The following FMO4 variants were observed in gnomAD, a reference collection of about 807,000 sequenced individuals.
FMO4 encodes the protein dimethylaniline monooxygenase [N-oxide-forming] 4.
In FMO4, 38 loss-of-function variants were observed where a neutral mutation model predicts 43.3. The ratio of observed to expected loss-of-function variants is 0.88; its 90% CI spans 0.68 to 1.15. The LOEUF (loss-of-function observed/expected upper bound fraction) is 1.15, where lower values mean the gene tolerates loss of function less well. Among genes scored for constraint, FMO4 ranks in the 50% most tolerant of loss-of-function variants. FMO4 has a pLI of 0.00. For missense variants in FMO4, 631 were observed against 663.3 expected, an observed-to-expected ratio of 0.95 and a Z score of 0.54; for synonymous variants, 224 against 232.2, an observed-to-expected ratio of 0.96 and a Z score of 0.32.
Position 171,341,928 on chromosome 1 carries a change from C to A in FMO4, c.*89C>A. 1 of 1,021,900 alleles carries A rather than the reference C, an allele frequency of 9.8e-7. No individual in the cohort carries two copies. The highest frequency in any genetic ancestry group is 1.4e-6 in the Non-Finnish European group (1 of 703,280). 63.3% of individuals were successfully genotyped at this position (1,021,900 alleles called of 1,614,324 possible). Reference sequence around the variant, plus strand: ...CCTCCTCTGCTCTCCATCATAACTGCTATTAGCCAAATTCAGGCCCAGTCA... The same window carrying A: ...CCTCCTCTGCTCTCCATCATAACTGATATTAGCCAAATTCAGGCCCAGTCA... On this transcript the variant is annotated 3_prime_UTR_variant, in exon 10 of 10. Transcript: ENST00000367749.
chr1:171,337,985 G>A (rs747330774), intron 9 of FMO4, among the ~76,000 whole-genome samples: 19 of 151,954 alleles, frequency 1.3e-4, no homozygotes, highest in East Asian at 5.8e-4. Context: ...TTTAATAGGC[G>A]TCTCAAATTT....
chr1:171,323,909 T>G (rs1271078493), intron 4 of FMO4, among the ~76,000 whole-genome samples: 2 of 152,248 alleles, frequency 1.3e-5, no homozygotes, highest in Non-Finnish European at 2.9e-5. Context: ...ACGTGATTGT[T>G]TCTTCCTTCC....
chr1:171,322,845 T>G (rs557877729), intron 3 of FMO4, among the ~76,000 whole-genome samples, 159 bp from the exon 4 acceptor site: 43 of 150,334 alleles, frequency 2.9e-4, no homozygotes, highest in African/African-American at 9.8e-4. Context: ...AGAGTGAGAC[T>G]CCATCTAAAT....
intron 3 of FMO4, 89 bp from the exon 4 acceptor site, chr1:171,322,915 C>A: frequency 1.1e-6 from 1 of 899,612 alleles, no homozygotes; most frequent in Non-Finnish European, 1.8e-6. Flanking sequence ...ATAACCCGCC[C>A]TCAGTGAGGC....
At chr1:171,315,432 C>CT (rs547157080) in intron 1 of FMO4, among the ~76,000 whole-genome samples, 7,270 of 147,932 alleles carry the variant, frequency 0.049, 515 homozygotes, top group African/African-American at 0.16. Flanking sequence ...GAATTCATAT[C>CT]TTTTTTTTTT....
chr1:171,316,636 A>G (rs928916840), intron 2 of FMO4, among the ~76,000 whole-genome samples: 1 of 152,160 alleles, frequency 6.6e-6, no homozygotes, highest in Admixed American at 6.5e-5. Context: ...TGCCTCCAAA[A>G]TCCATTTTCA....
At chr1:171,337,754 G>A (rs968468978) in intron 9 of FMO4, among the ~76,000 whole-genome samples, 2 of 152,084 alleles carry the variant, frequency 1.3e-5, no homozygotes, top group African/African-American at 4.8e-5. Flanking sequence ...GTATTTGCTG[G>A]TATCGCCTCT....
chr1:171,319,901 C>CTGGA lies in FMO4; in HGVS notation c.77_80dup (p.Glu27AspfsTer7), dbSNP rs572323132. On this transcript the variant is annotated frameshift_variant, in exon 3 of 10. Coordinates refer to ENST00000367749, the MANE Select transcript of FMO4 (RefSeq NM_002022.3). LOFTEE classifies it high-confidence loss of function. ...CATCAAATGCTGTGTGGATGAGGAC[C>CTGGA]TGGAGCCCACCTGCTTTGAGAGAAG... 1.5e-4 allele frequency: 248 copies of CTGGA among 1,613,834 alleles called. 1 individual carries two copies. In the East Asian group the frequency reaches 5.4e-3, roughly 35 times the overall value.
Position 171,334,603 on chromosome 1 carries a change from T to C in FMO4, c.1020T>C (p.Pro340=), listed in dbSNP as rs760967741. 6.2e-7 allele frequency: 1 copy of C among 1,613,432 alleles called. No homozygotes were observed. The highest frequency in any genetic ancestry group is 1.1e-5 in the South Asian group (1 of 91,068). The part of the protein sequence containing the change: ...YTFSFPFFEE[P]LKSLCTKKIF... ...TTTCTTTTCCATTTTTTGAAGAACC[T>C]CTTAAAAGCCTCTGTACAAAGAAGA... Residue 340 remains proline, a synonymous_variant, in exon 8 of 10, where the codon CCT becomes CCC. Coordinates refer to ENST00000367749, the MANE Select transcript of FMO4 (RefSeq NM_002022.3).
intron 7 of FMO4, among the ~76,000 whole-genome samples, chr1:171,333,823 T>C (rs1015054620): frequency 3.3e-5 from 5 of 152,040 alleles, no homozygotes; most frequent in African/African-American, 1.2e-4. Context: ...AAAATATGTA[T>C]CAGTATAAAT....
chr1:171,325,250 T>C (rs1170651259), intron 5 of FMO4, among the ~76,000 whole-genome samples: 2 of 152,174 alleles, frequency 1.3e-5, no homozygotes, highest in Non-Finnish European at 2.9e-5. Flanking sequence ...GACTGACAAA[T>C]TGCCATCATT....
chr1:171,340,916 T>C (rs1571417586), intron 9 of FMO4, among the ~76,000 whole-genome samples: 2 of 152,218 alleles, frequency 1.3e-5, no homozygotes, highest in South Asian at 4.1e-4. Flanking sequence ...ATTAAGATTT[T>C]AGGGCTTTTA....
In FMO4 at chr1:171,324,154, T is replaced by C. The variant is rs919125756; in HGVS notation, c.338T>C (p.Ile113Thr). ...CACTTTTAGACCACTGTGTGCAGCA[T>C]AACGAAGCGTCCAGACTTCTCCGAA... ...YIQFKTTVCS[I>T]TKRPDFSETG... Residue 113 changes from isoleucine to threonine, a missense_variant, in exon 5 of 10, where the codon ATA (isoleucine) becomes ACA (threonine). Coordinates refer to ENST00000367749, the MANE Select transcript of FMO4 (RefSeq NM_002022.3). The C allele has an allele frequency of 6.2e-7, 1 of 1,612,486 alleles. No homozygotes were observed. The highest frequency in any genetic ancestry group is 8.5e-7 in the Non-Finnish European group (1 of 1,179,264).
In FMO4 at chr1:171,332,733, A is replaced by G; in HGVS notation, c.652A>G (p.Thr218Ala). Reference protein sequence around the residue: ...AQVLLSTRTGTWVLGRSSDWG... With the variant: ...AQVLLSTRTGAWVLGRSSDWG... ...GGTACTTCTCAGTACTAGAACTGGT[A>G]CCTGGGTTCTTGGGCGCTCTTCAGA... Residue 218 changes from threonine (T) to alanine (A), a missense_variant, in exon 7 of 10, where the codon ACC (threonine) becomes GCC (alanine). Thr to Ala is a moderately conservative substitution (Grantham distance 58, BLOSUM62 0). Coordinates refer to ENST00000367749, the MANE Select transcript of FMO4 (RefSeq NM_002022.3). 2 of 1,609,866 alleles carry G rather than the reference A, an allele frequency of 1.2e-6. No individual in the cohort carries two copies. The highest frequency in any genetic ancestry group is 1.7e-6 in the Non-Finnish European group (2 of 1,176,280).
Position 171,328,776 on chromosome 1 carries a change from G to A in FMO4, c.485-2864G>A, listed in dbSNP as rs575303188. 7.9e-5 allele frequency among the ~76,000 whole-genome samples: 12 copies of A among 152,142 alleles called. No homozygotes were observed. The South Asian group carries it at 1.0e-3, about 13-fold the overall frequency. ...TGAAAGAACAGGCTATATAAGATAC[G>A]ACTATTAGCCAACTTTTTCCTTTAG... On this transcript the variant is annotated intron_variant, in intron 5 of 9. Coordinates refer to ENST00000367749, the MANE Select transcript of FMO4 (RefSeq NM_002022.3).
intron 1 of FMO4, among the ~76,000 whole-genome samples, chr1:171,314,909 G>A (rs956960750): frequency 6.6e-6 from 1 of 152,170 alleles, no homozygotes; most frequent in African/African-American, 2.4e-5. Context: ...TCCTACATTT[G>A]CTGGTCAGTC....
chr1:171,333,882 T>C (rs1340577527), intron 7 of FMO4, among the ~76,000 whole-genome samples: 1 of 152,124 alleles, frequency 6.6e-6, no homozygotes, highest in African/African-American at 2.4e-5. Context: ...GTGCAGTGGG[T>C]GTGATCTTGG....
At chr1:171,315,160 C>T (rs770326513) in intron 1 of FMO4, among the ~76,000 whole-genome samples, 13 of 152,120 alleles carry the variant, frequency 8.5e-5, no homozygotes, top group Non-Finnish European at 1.3e-4. Flanking sequence ...GGCGTGGTGC[C>T]GCCTGCCTGT....
At chr1:171,331,064 G>A (rs1437982813) in intron 5 of FMO4, among the ~76,000 whole-genome samples, 2 of 152,190 alleles carry the variant, frequency 1.3e-5, no homozygotes, top group African/African-American at 4.8e-5. Context: ...CCCCTGTGGA[G>A]AATTTTAATT....
Sources: gnomAD v4.1 joint callset for allele counts (sites outside exome capture counted in the v4.1 genomes callset) on GRCh38, gnomAD v4.1.1 for gene constraint, MANE v1.5 for transcripts, NCBI Gene and HGNC (gene_info 2026-07-23, HGNC 2026-07-21) for gene names.